The following PIWIL1 variants were observed in gnomAD, a reference collection of about 807,000 sequenced individuals.
PIWIL1 encodes piwi-like protein 1.
Under a neutral mutation model 114.4 loss-of-function variants are expected in PIWIL1, and 73 were observed. The observed-to-expected ratio is 0.64, with a 90% confidence interval of 0.53 to 0.78. The LOEUF (loss-of-function observed/expected upper bound fraction) is 0.78. PIWIL1 is among the 30% of genes least tolerant of loss of function. PIWIL1 has a pLI of 0.00. For synonymous variants in PIWIL1, 375 were observed against 369.0 expected (o/e 1.02, Z -0.19); for missense variants, 723 against 1,063.1 (o/e 0.68, Z 4.45).
At chr12:130,390,580 C>A in the PIWIL1 span, among the ~76,000 whole-genome samples, 1 of 152,176 alleles carries the variant, frequency 6.6e-6, no homozygotes, top group Non-Finnish European at 1.5e-5. Flanking sequence ...TCACTTTGCT[C>A]CTTTGGAATT....
At chr12:130,398,955 G>T in the PIWIL1 span, 1 of 356,234 alleles carries the variant, frequency 2.8e-6, no homozygotes, top group Admixed American at 4.3e-5. Flanking sequence ...CTGAGACCAA[G>T]TAATATTCTA....
the PIWIL1 span, among the ~76,000 whole-genome samples, chr12:130,395,823 C>T: frequency 1.3e-5 from 2 of 151,868 alleles, no homozygotes; most frequent in Admixed American, 6.6e-5. Context: ...TTGCTGTAGC[C>T]GTTCATTAAT....
At chr12:130,420,658 C>A in the PIWIL1 span, among the ~76,000 whole-genome samples, 1 of 152,214 alleles carries the variant, frequency 6.6e-6, no homozygotes, top group East Asian at 1.9e-4. The surrounding 1 kb of genome is among the most constrained non-coding windows in gnomAD (Gnocchi z 4.3). Flanking sequence ...AGGAAAATAG[C>A]AAACCAAAGC....
the PIWIL1 span, chr12:130,419,922 T>A: frequency 4.6e-5 from 7 of 152,226 alleles, no homozygotes; most frequent in Non-Finnish European, 7.3e-5. The surrounding 1 kb of genome is among the most constrained non-coding windows in gnomAD (Gnocchi z 4.3). Context: ...GGACATTTTT[T>A]AAATTTTGGA....
chr12:130,404,862 GTAGTGT>G, the PIWIL1 span, among the ~76,000 whole-genome samples: 1 of 152,098 alleles, frequency 6.6e-6, no homozygotes, highest in African/African-American at 2.4e-5. Flanking sequence ...ACAGCATGGA[GTAGTGT>G]TAAAGTCCAT....
At chr12:130,344,652 G>A (rs942505720) in intron 3 of PIWIL1, among the ~76,000 whole-genome samples, 5 of 152,264 alleles carry the variant, frequency 3.3e-5, no homozygotes, top group Admixed American at 3.3e-4. Context: ...TGATCTTTTT[G>A]TTCTTTTGTC....
chr12:130,414,350 AC>A, the PIWIL1 span: 1 of 1,522,006 alleles, frequency 6.6e-7, no homozygotes, highest in South Asian at 1.3e-5. Flanking sequence ...AGTGAGCCTA[AC>A]TGAGGAGCGT....
intron 9 of PIWIL1, 84 bp from the exon 10 acceptor site, chr12:130,354,453 T>C: frequency 6.4e-7 from 1 of 1,562,208 alleles, no homozygotes; most frequent in Non-Finnish European, 8.7e-7. Context: ...TCTTTATTTT[T>C]TTAAAAAATG....
chr12:130,406,698 G>T, the PIWIL1 span, among the ~76,000 whole-genome samples: 2 of 152,098 alleles, frequency 1.3e-5, no homozygotes, highest in African/African-American at 4.8e-5. Context: ...CCAGGCTGGA[G>T]TGCAGCAGTG....
the PIWIL1 span, among the ~76,000 whole-genome samples, chr12:130,406,792 G>A: frequency 6.6e-6 from 1 of 152,118 alleles, no homozygotes; most frequent in Non-Finnish European, 1.5e-5. Context: ...GACTACAGGT[G>A]TGTGCCACCA....
the PIWIL1 span, among the ~76,000 whole-genome samples, chr12:130,418,658 G>A: frequency 2.6e-5 from 4 of 152,180 alleles, no homozygotes; most frequent in South Asian, 2.1e-4. Context: ...GCATCAAAAC[G>A]TGCAGAGGGG....
the PIWIL1 span, among the ~76,000 whole-genome samples, chr12:130,408,207 T>C: frequency 6.6e-6 from 1 of 152,178 alleles, no homozygotes; most frequent in Admixed American, 6.5e-5. Context: ...GGTTGTGACA[T>C]TGCTCTGGGA....
the PIWIL1 span, among the ~76,000 whole-genome samples, chr12:130,401,054 ATTGT>A: frequency 1.4e-4 from 22 of 152,318 alleles, no homozygotes; most frequent in African/African-American, 4.1e-4. Context: ...GATGGTGGTG[ATTGT>A]TTGCACAATG....
chr12:130,344,931 T>G lies in PIWIL1; in HGVS notation c.191-822T>G, dbSNP rs115915382. ...TATATTACTCCAAAAATAGAATTTATTTAAAGAATGAGGGGTTAGTTATTG... is the reference window on the plus strand; with the variant it reads ...TATATTACTCCAAAAATAGAATTTAGTTAAAGAATGAGGGGTTAGTTATTG... On this transcript the variant is annotated intron_variant, in intron 3 of 20. Coordinates refer to ENST00000245255, the MANE Select transcript of PIWIL1 (RefSeq NM_004764.5). 1.5e-3 allele frequency among the ~76,000 whole-genome samples: 235 copies of G among 152,354 alleles called. 2 individuals carry two copies. Among genetic ancestry groups the G allele is most frequent in the African/African-American group, 5.1e-3 (213 of 41,576 alleles).
At chr12:130,407,774 G>A in the PIWIL1 span, 19 of 1,614,110 alleles carry the variant, frequency 1.2e-5, no homozygotes, top group South Asian at 2.0e-4. Flanking sequence ...AGTCATACAG[G>A]GCCACCATTC....
chr12:130,353,788 C>T (rs750219514), intron 9 of PIWIL1, among the ~76,000 whole-genome samples: 12 of 151,316 alleles, frequency 7.9e-5, no homozygotes, highest in South Asian at 6.2e-4. Context: ...TAGCCAGGCA[C>T]GGTGGTGTGC....
intron 1 of PIWIL1, among the ~76,000 whole-genome samples, chr12:130,338,869 GGCCGGGGTGCGGGGGCGAGGTCCCA>G (rs2072806356): frequency 7.3e-6 from 1 of 137,114 alleles, no homozygotes. Context: ...GGGGTGCAGG[GGCCGGGGTGCGGGGGCGAGGTCCCA>G]GGTGCAGGGG....
rs545674463 is a variant in PIWIL1, at chr12:130,349,286, A to G, written c.782A>G (p.Asn261Ser). 1 of 1,614,036 alleles carries G rather than the reference A, an allele frequency of 6.2e-7. No homozygotes were observed. Among genetic ancestry groups the G allele is most frequent in the East Asian group, 2.2e-5 (1 of 44,876 alleles). The change falls in exon 8 of 21, where the codon AAC becomes AGC. Residue 261 changes from asparagine (N) to serine (S), a missense_variant. This residue lies in a region of PIWIL1 where 190 missense variants were observed against 294.4 expected (regional missense o/e 0.65). Coordinates refer to ENST00000245255, the MANE Select transcript of PIWIL1 (RefSeq NM_004764.5). ...GFTTSILQYE[N>S]SIMLCTDVSH... is the part of the protein sequence containing the mutation. ...ACTACTTCCATCCTTCAGTATGAAA[A>G]CAGCATCATGCTCTGCACTGACGTT...
At chr12:130,380,548 G>A in the PIWIL1 span, among the ~76,000 whole-genome samples, 1 of 152,210 alleles carries the variant, frequency 6.6e-6, no homozygotes, top group African/African-American at 2.4e-5. Context: ...AAATTGAGTA[G>A]GTTGAGTAAG....
Sources: allele counts gnomAD v4.1 joint callset (sites outside exome capture counted in the v4.1 genomes callset), GRCh38; gene constraint gnomAD v4.1.1; regional missense constraint gnomAD v4.1.1; non-coding constraint Gnocchi (gnomAD v3.1); transcripts MANE v1.5; gene names NCBI Gene and HGNC (gene_info 2026-07-23, HGNC 2026-07-21).